Variants in KLF8 observed in about 807,000 individuals in gnomAD.
The protein encoded by KLF8 is KLF transcription factor 8.
Under a neutral mutation model 18.2 loss-of-function variants are expected in KLF8, and 10 were observed. The observed-to-expected ratio is 0.55, with a 90% CI of 0.34 to 0.93. The LOEUF is 0.93. KLF8 is among the 40% of genes least tolerant of loss of function. KLF8 has a pLI of 0.02. For missense variants in KLF8, 264 were observed against 277.9 expected (o/e 0.95, Z 0.36); for synonymous variants, 109 against 97.3 (o/e 1.12, Z -0.71).
At chrX:56,220,525 G>A in the KLF8 span, among the ~76,000 whole-genome samples, 2 of 109,525 alleles carry the variant, frequency 1.8e-5, no homozygotes, top group African/African-American at 3.3e-5. Context: ...TCACTCTGTC[G>A]CCCAGGATGG....
chrX:56,186,690 T>G, the KLF8 span, among the ~76,000 whole-genome samples: 10 of 111,914 alleles, frequency 8.9e-5, no homozygotes, highest in Non-Finnish European at 1.7e-4. Context: ...CAGACCACAG[T>G]GCAATCAAAC....
At chrX:56,248,081 T>C (rs1273401285) in intron 1 of KLF8, among the ~76,000 whole-genome samples, 1 of 111,225 alleles carries the variant, frequency 9.0e-6, no homozygotes, top group African/African-American at 3.3e-5. Flanking sequence ...AGCTCTGTTA[T>C]AATTGTATAG....
chrX:56,117,819 C>T, the KLF8 span, among the ~76,000 whole-genome samples: 1 of 111,858 alleles, frequency 8.9e-6, no homozygotes, highest in South Asian at 3.8e-4. Context: ...CTCTGCACCT[C>T]TGTTTTAGTC....
At chrX:56,162,902 C>A in the KLF8 span, among the ~76,000 whole-genome samples, 1 of 111,626 alleles carries the variant, frequency 9.0e-6, no homozygotes, top group African/African-American at 3.3e-5. Context: ...TAATCGGCCA[C>A]CTTGGCTCCA....
chrX:56,236,571 G>C (rs1435826249), intron 1 of KLF8, among the ~76,000 whole-genome samples: 1 of 110,880 alleles, frequency 9.0e-6, no homozygotes, highest in African/African-American at 3.3e-5. Flanking sequence ...ATTTAGGCGA[G>C]ACGTGCAAAC....
the KLF8 span, among the ~76,000 whole-genome samples, chrX:56,171,720 G>A: frequency 1.8e-5 from 2 of 111,657 alleles, no homozygotes; most frequent in South Asian, 3.8e-4. Context: ...TTTTATGGCT[G>A]CATAGTATTC....
the KLF8 span, among the ~76,000 whole-genome samples, chrX:55,973,804 A>G: frequency 1.4e-3 from 161 of 112,079 alleles, no homozygotes; most frequent in African/African-American, 4.8e-3. Context: ...AGACAGAAAT[A>G]CCATTCAAGT....
chrX:56,050,726 G>GA, the KLF8 span, among the ~76,000 whole-genome samples: 3 of 112,103 alleles, frequency 2.7e-5, no homozygotes, highest in African/African-American at 3.2e-5. Flanking sequence ...GTGTGGTACT[G>GA]AAAAAAATGT....
At position 56,275,625 on chromosome X, in the gene KLF8, T is replaced by C. The variant is rs756408510; in HGVS notation, c.898+5304T>C. On this transcript the variant is annotated intron_variant, in intron 5 of 5. Transcript: ENST00000468660. ...TTTTCCCCATTTAGTATGATACTTATGGGTCAGTAATTAATGACTTTTATT... is the reference window on the plus strand; with the variant it reads ...TTTTCCCCATTTAGTATGATACTTACGGGTCAGTAATTAATGACTTTTATT... Among the ~76,000 whole-genome samples, 12 of 112,230 alleles carry C rather than the reference T, an allele frequency of 1.1e-4. No individual in the cohort carries two copies. The South Asian group carries it at 2.6e-3, about 24-fold the overall frequency.
the KLF8 span, among the ~76,000 whole-genome samples, chrX:56,165,657 G>A: frequency 9.0e-6 from 1 of 111,348 alleles, no homozygotes; most frequent in South Asian, 3.8e-4. Flanking sequence ...TTGAGGGCAG[G>A]AGTTCAAGAC....
the KLF8 span, among the ~76,000 whole-genome samples, chrX:56,068,657 T>A: frequency 8.9e-6 from 1 of 112,092 alleles, no homozygotes; most frequent in Non-Finnish European, 1.9e-5. Flanking sequence ...CACAGCTTCC[T>A]GTTGTCCCAG....
the KLF8 span, among the ~76,000 whole-genome samples, chrX:56,076,216 T>G: frequency 9.2e-6 from 1 of 108,937 alleles, no homozygotes; most frequent in East Asian, 2.9e-4. Flanking sequence ...TGTATACATG[T>G]GTGATTCTGG....
At chrX:56,051,115 G>T in the KLF8 span, among the ~76,000 whole-genome samples, 46 of 110,413 alleles carry the variant, frequency 4.2e-4, no homozygotes, top group Non-Finnish European at 4.7e-4. Context: ...GTTTTCCATT[G>T]TCTTGGTAGA....
In KLF8 at chrX:56,268,592, A is replaced by G. The variant is rs769494339; in HGVS notation, c.647-786A>G. 8.0e-4 allele frequency: 299 copies of G among 374,637 alleles called. 2 individuals are homozygous for G. The highest frequency in any genetic ancestry group is 7.2e-4 in the Non-Finnish European group (210 of 293,463). The allele number at this position is 374,637 out of a possible 1,213,427, so 30.9% of individuals were successfully genotyped here. The stretch of plus-strand genomic sequence containing the variant: ...CGATACATGTATATCACATACATGC[A>G]CAAACATGCACACCTCAAGATACAT... On this transcript the variant is annotated intron_variant, in intron 3 of 5. Transcript: ENST00000468660.
At chrX:56,259,722 A>G (rs778552296) in intron 2 of KLF8, among the ~76,000 whole-genome samples, 18 of 111,071 alleles carry the variant, frequency 1.6e-4, no homozygotes, top group East Asian at 2.8e-4. Context: ...CCAAACTTCA[A>G]TTATTTACTT....
At chrX:56,170,131 A>G in the KLF8 span, among the ~76,000 whole-genome samples, 6 of 111,340 alleles carry the variant, frequency 5.4e-5, no homozygotes, top group African/African-American at 1.6e-4. Context: ...GCATTAGTGG[A>G]CTTGGGGTGC....
the KLF8 span, among the ~76,000 whole-genome samples, chrX:56,070,296 C>A: frequency 9.0e-6 from 1 of 110,854 alleles, no homozygotes; most frequent in East Asian, 2.8e-4. Context: ...ATACCTAATG[C>A]ATGTGGGGCT....
At chrX:56,021,622 T>A in the KLF8 span, among the ~76,000 whole-genome samples, 16 of 110,180 alleles carry the variant, frequency 1.5e-4, no homozygotes, top group Admixed American at 6.8e-4. Context: ...AAATACAGTT[T>A]TTCCCATTGA....
At chrX:56,010,278 A>G in the KLF8 span, among the ~76,000 whole-genome samples, 130 of 112,199 alleles carry the variant, frequency 1.2e-3, no homozygotes, top group Middle Eastern at 9.2e-3. Context: ...CAGAAGCCCT[A>G]CAAGCCAGAA....
Sources: allele counts gnomAD v4.1 joint callset (sites outside exome capture counted in the v4.1 genomes callset), GRCh38; gene constraint gnomAD v4.1.1; transcripts MANE v1.5; gene names NCBI Gene and HGNC (gene_info 2026-07-23, HGNC 2026-07-21).